TOP1: variants seen among roughly 807,000 people sequenced by gnomAD.
TOP1 encodes DNA topoisomerase I, also known as DNA topoisomerase 1.
TOP1 carries 10 observed loss-of-function variants against 111.1 expected under a neutral mutation model. The observed-to-expected ratio is 0.09, with a 90% CI of 0.06 to 0.15. TOP1 has a LOEUF of 0.15. TOP1 is among the 10% of genes least tolerant of loss of function. The pLI is 1.00. For synonymous variants in TOP1, 271 were observed against 302.9 expected (o/e 0.89, Z 1.10); for missense variants, 474 against 926.7 (o/e 0.51, Z 6.34).
rs6065311 is a variant in TOP1, at chr20:41,095,698, T to C, written c.731-1522T>C. Among the ~76,000 whole-genome samples the C allele has an allele frequency of 0.59, 89,050 of 152,088 alleles. 27,598 individuals are homozygous for C. Among genetic ancestry groups the C allele is most frequent in the East Asian group, 0.82 (4,265 of 5,178 alleles). On this transcript the variant is annotated intron_variant, in intron 9 of 20. Coordinates refer to ENST00000361337, the MANE Select transcript of TOP1 (RefSeq NM_003286.4). This position sits in a 1 kb window ranked among gnomAD's most constrained non-coding sequence, Gnocchi z 4.6. ...ATGAGATAAGATGTCTTCTGAGTTT[T>C]GAAATAAATGGATTTCTGGTTAAAT...
chr20:41,061,465 C>T lies in TOP1; in HGVS notation c.130C>T (p.Arg44Trp), dbSNP rs751834546. ...CAAAGAACACAAGAAGGAGAAGGACCGGGAAAAGTCCAAGCATAGCAACAG... is the reference window on the plus strand; with the variant it reads ...CAAAGAACACAAGAAGGAGAAGGACTGGGAAAAGTCCAAGCATAGCAACAG... ...RHKEHKKEKD[R>W]EKSKHSNSEH... The change falls in exon 3 of 21, where the codon CGG becomes TGG. Residue 44 changes from arginine (R) to tryptophan (W), a missense_variant. Around this residue, in one of 14 missense-constraint regions of TOP1, gnomAD observed 185 missense variants for 226.3 expected, o/e 0.82. Transcript: ENST00000361337. The surrounding 1 kb of genome is among the most constrained non-coding windows in gnomAD (Gnocchi z 4.6). The T allele has an allele frequency of 5.6e-6, 9 of 1,607,918 alleles. No homozygotes were observed. Among genetic ancestry groups the T allele is most frequent in the African/African-American group, 1.3e-5 (1 of 74,778 alleles).
rs945340977 is a variant in TOP1, at chr20:41,069,203, G to A, written c.156-6968G>A. ...AATATGCACTTGAATTACGCATCTA[G>A]TTCTCAGATTAGGGGAGATTTTTCT... On this transcript the variant is annotated intron_variant, in intron 3 of 20. Coordinates refer to ENST00000361337, the MANE Select transcript of TOP1 (RefSeq NM_003286.4). The surrounding 1 kb of genome is among the most constrained non-coding windows in gnomAD (Gnocchi z 4.1). 6.6e-6 allele frequency among the ~76,000 whole-genome samples: 1 copy of A among 152,214 alleles called. No homozygotes were observed. The highest frequency in any genetic ancestry group is 2.4e-5 in the African/African-American group (1 of 41,450).
At chr20:41,088,518 A>G (rs1226773786) in intron 8 of TOP1, among the ~76,000 whole-genome samples, 1 of 152,100 alleles carries the variant, frequency 6.6e-6, no homozygotes, top group Non-Finnish European at 1.5e-5. Flanking sequence ...ATAAATAAAT[A>G]AATAAAAACA....
Position 41,100,354 on chromosome 20 carries a change from A to G in TOP1, c.1163+111A>G, listed in dbSNP as rs2034043014. 1 of 844,516 alleles carries G rather than the reference A, an allele frequency of 1.2e-6. No individual in the cohort carries two copies. Among genetic ancestry groups the G allele is most frequent in the Admixed American group, 2.8e-5 (1 of 35,430 alleles). The allele number at this position is 844,516 out of a possible 1,614,324, so 52.3% of individuals were successfully genotyped here. A position where few individuals can be genotyped will look rare whatever the true frequency, so the allele number is the denominator to read the frequency against. Reference sequence around the variant, plus strand: ...GACTGTTTGGGAAGGGAGATACTTAAGAGCAGGACAGTATTTCATGCGTAG... The same window carrying G: ...GACTGTTTGGGAAGGGAGATACTTAGGAGCAGGACAGTATTTCATGCGTAG... On this transcript the variant is annotated intron_variant, in intron 12 of 20. Transcript: ENST00000361337. The surrounding 1 kb of genome is among the most constrained non-coding windows in gnomAD (Gnocchi z 4.4).
intron 2 of TOP1, among the ~76,000 whole-genome samples, chr20:41,060,360 A>C (rs927850070): frequency 3.3e-5 from 5 of 152,256 alleles, no homozygotes; most frequent in Non-Finnish European, 5.9e-5. Flanking sequence ...AATGTGGATG[A>C]ATGTCACAAA....
In TOP1 at chr20:41,029,486, C is replaced by A. The variant is rs777763717; in HGVS notation, c.58+31C>A. 1.3e-6 allele frequency: 2 copies of A among 1,539,310 alleles called. No individual in the cohort carries two copies. The highest frequency in any genetic ancestry group is 1.8e-6 in the Non-Finnish European group (2 of 1,141,454). On this transcript the variant is annotated intron_variant, in intron 2 of 20. Coordinates refer to ENST00000361337, the MANE Select transcript of TOP1 (RefSeq NM_003286.4). The surrounding 1 kb of genome is among the most constrained non-coding windows in gnomAD (Gnocchi z 6.1). ...TGTGCCCCCTGCGCCGACTCCGGGGCCCCCCAGCCGCCGGCCGCCTCCCCC... is the reference window on the plus strand; with the variant it reads ...TGTGCCCCCTGCGCCGACTCCGGGGACCCCCAGCCGCCGGCCGCCTCCCCC...
At chr20:41,060,850 A>AT (rs886131155) in intron 2 of TOP1, among the ~76,000 whole-genome samples, 6 of 151,988 alleles carry the variant, frequency 3.9e-5, no homozygotes, top group Admixed American at 3.3e-4. Flanking sequence ...GGGGATTTGT[A>AT]TTTTTTTGGT....
rs112066961 is a variant in TOP1, at chr20:41,041,886, G to GTGATGA, written c.58+12448_58+12453dup. Among the ~76,000 whole-genome samples the GTGATGA allele has an allele frequency of 5.2e-4, 78 of 149,664 alleles. 1 individual carries two copies. In the East Asian group the frequency reaches 6.5e-3, roughly 12 times the overall value. ...CAGGTTAAGGTATAAAGCTTACAGG[G>GTGATGA]TGATGATGATGATGATGATGATTAT... On this transcript the variant is annotated intron_variant, in intron 2 of 20. Coordinates refer to ENST00000361337, the MANE Select transcript of TOP1 (RefSeq NM_003286.4).
At position 41,095,863 on chromosome 20, in the gene TOP1, G is replaced by A. The variant is rs2033975026; in HGVS notation, c.731-1357G>A. On this transcript the variant is annotated intron_variant, in intron 9 of 20. Coordinates refer to ENST00000361337, the MANE Select transcript of TOP1 (RefSeq NM_003286.4). This position sits in a 1 kb window ranked among gnomAD's most constrained non-coding sequence, Gnocchi z 4.6. ...ATAGCATGGATTGGTTCGAGGTGAT[G>A]TTGTAAAGTTGGATTTTTAAGAAAG... Among the ~76,000 whole-genome samples, 1 of 152,176 alleles carries A rather than the reference G, an allele frequency of 6.6e-6. No individual in the cohort carries two copies. The highest frequency in any genetic ancestry group is 1.5e-5 in the Non-Finnish European group (1 of 68,034).
Position 41,029,814 on chromosome 20 carries a change from C to G in TOP1, c.58+359C>G, listed in dbSNP as rs2033094878. ...TCTCCTCTCCTTTCTGTGCCTGTGTCTCTTTCTCTCCCTCCCTCGGCTCTT... is the reference window on the plus strand; with the variant it reads ...TCTCCTCTCCTTTCTGTGCCTGTGTGTCTTTCTCTCCCTCCCTCGGCTCTT... On this transcript the variant is annotated intron_variant, in intron 2 of 20. Transcript: ENST00000361337. This position sits in a 1 kb window ranked among gnomAD's most constrained non-coding sequence, Gnocchi z 6.1. 3 of 333,140 alleles carry G rather than the reference C, an allele frequency of 9.0e-6. No individual in the cohort carries two copies. The highest frequency in any genetic ancestry group is 6.6e-5 in the South Asian group (2 of 30,442). The allele number at this position is 333,140 out of a possible 1,614,324, so 20.6% of individuals were successfully genotyped here.
At chr20:41,120,283 G>A (rs1317038937) in intron 18 of TOP1, among the ~76,000 whole-genome samples, 1 of 152,226 alleles carries the variant, frequency 6.6e-6, no homozygotes, top group Non-Finnish European at 1.5e-5. Flanking sequence ...ATAGATGTTG[G>A]AAGTAAGCCA....
In TOP1 at chr20:41,029,370, G is replaced by T. The variant is rs1034828084; in HGVS notation, c.34-61G>T. The T allele has an allele frequency of 7.1e-7, 1 of 1,412,518 alleles. No individual in the cohort carries two copies. The highest frequency in any genetic ancestry group is 1.5e-5 in the African/African-American group (1 of 66,750). 87.5% of individuals were successfully genotyped at this position (1,412,518 alleles called of 1,614,324 possible). On this transcript the variant is annotated intron_variant, in intron 1 of 20. Coordinates refer to ENST00000361337, the MANE Select transcript of TOP1 (RefSeq NM_003286.4). This position sits in a 1 kb window ranked among gnomAD's most constrained non-coding sequence, Gnocchi z 6.1. ...GGTGAGCCAGACCCCGGCCGCGCGC[G>T]CTCGCCGCCGGAGGGGTTAAAGTGG...
Position 41,101,599 on chromosome 20 carries a change from G to GTA in TOP1, c.1308+249_1308+250dup, listed in dbSNP as rs1262434678. On this transcript the variant is annotated intron_variant, in intron 13 of 20. Transcript: ENST00000361337. This position sits in a 1 kb window ranked among gnomAD's most constrained non-coding sequence, Gnocchi z 4.1. Reference sequence around the variant, plus strand: ...TGAAATCCCAAATGTGCCCCACACAGTATACATTTGATGCTAGGAATTATG... The same window carrying GTA: ...TGAAATCCCAAATGTGCCCCACACAGTATATACATTTGATGCTAGGAATTATG... 6.6e-6 allele frequency among the ~76,000 whole-genome samples: 1 copy of GTA among 152,176 alleles called. No individual in the cohort carries two copies. Among genetic ancestry groups the GTA allele is most frequent in the Admixed American group, 6.5e-5 (1 of 15,274 alleles).
At position 41,029,595 on chromosome 20, in the gene TOP1, C is replaced by T. The variant is rs778054430; in HGVS notation, c.58+140C>T. On this transcript the variant is annotated intron_variant, in intron 2 of 20. Transcript: ENST00000361337. The surrounding 1 kb of genome is among the most constrained non-coding windows in gnomAD (Gnocchi z 6.1). ...TCCTCGCTCACCGGCCCCATTGTTC[C>T]CATCGGGCCGCCTCTTGACCCCCTT... 3 of 731,202 alleles carry T rather than the reference C, an allele frequency of 4.1e-6. No homozygotes were observed. The highest frequency in any genetic ancestry group is 7.1e-6 in the Non-Finnish European group (3 of 420,192). 45.3% of individuals were successfully genotyped at this position (731,202 alleles called of 1,614,324 possible).
At chr20:41,035,504 A>G (rs1018407313) in intron 2 of TOP1, among the ~76,000 whole-genome samples, 7 of 152,226 alleles carry the variant, frequency 4.6e-5, no homozygotes, top group African/African-American at 1.7e-4. Flanking sequence ...TAGGGACTTC[A>G]GATCTCCTGT....
rs1173831670 is a variant in TOP1, at chr20:41,122,193, T to A, written c.2195+38T>A. 1 of 1,610,170 alleles carries A rather than the reference T, an allele frequency of 6.2e-7. No individual in the cohort carries two copies. Among genetic ancestry groups the A allele is most frequent in the Non-Finnish European group, 8.5e-7 (1 of 1,177,406 alleles). Reference sequence around the variant, plus strand: ...CCCTCCTTGAGCTCCTGCTGCTAGCTTAAGAAAGGTGGAGGGGGTTCCGAG... The same window carrying A: ...CCCTCCTTGAGCTCCTGCTGCTAGCATAAGAAAGGTGGAGGGGGTTCCGAG... On this transcript the variant is annotated intron_variant, in intron 20 of 20. Coordinates refer to ENST00000361337, the MANE Select transcript of TOP1 (RefSeq NM_003286.4). This position sits in a 1 kb window ranked among gnomAD's most constrained non-coding sequence, Gnocchi z 5.4.
chr20:41,054,414 G>C (rs2033444048), intron 2 of TOP1, among the ~76,000 whole-genome samples: 3 of 152,072 alleles, frequency 2.0e-5, no homozygotes, highest in Admixed American at 2.0e-4. Context: ...GGCCTTCCCA[G>C]CTCTGCAGAA....
chr20:41,042,153 G>A (rs986976700), intron 2 of TOP1, among the ~76,000 whole-genome samples: 2 of 152,070 alleles, frequency 1.3e-5, no homozygotes, highest in Non-Finnish European at 2.9e-5. Context: ...CAAGTGATCC[G>A]GCTGCCTCAG....
chr20:41,089,977 T>G (rs541150854), intron 8 of TOP1, among the ~76,000 whole-genome samples: 1 of 151,030 alleles, frequency 6.6e-6, no homozygotes, highest in Non-Finnish European at 1.5e-5. Context: ...CCCCCACGTG[T>G]TTTTTTTTGT....
Sources: gnomAD v4.1 joint callset for allele counts (sites outside exome capture counted in the v4.1 genomes callset) on GRCh38, gnomAD v4.1.1 for gene constraint, gnomAD v4.1.1 regional missense constraint, Gnocchi (gnomAD v3.1) non-coding constraint, MANE v1.5 for transcripts, NCBI Gene and HGNC (gene_info 2026-07-23, HGNC 2026-07-21) for gene names.